Variants in LRBA observed in about 807,000 individuals in gnomAD.
The protein encoded by LRBA is LPS responsive beige-like anchor protein, also known as lipopolysaccharide-responsive and beige-like anchor protein.
In LRBA, 176 loss-of-function variants were observed where a neutral mutation model predicts 330.0. The ratio of observed to expected loss-of-function variants is 0.53; its 90% CI spans 0.47 to 0.60. The LOEUF is 0.60. Ranked by LOEUF, LRBA falls within the 20% of genes least tolerant of loss-of-function variation. The pLI, the probability that LRBA is intolerant of heterozygous loss-of-function variation, is 0.00. For synonymous variants in LRBA, 1,230 were observed against 1,193.0 expected, an observed-to-expected ratio of 1.03 and a Z score of -0.64; for missense variants, 3,259 against 3,444.8, an observed-to-expected ratio of 0.95 and a Z score of 1.35.
chr4:150,335,014 G>C (rs1163854597), intron 48 of LRBA, among the ~76,000 whole-genome samples: 1 of 151,832 alleles, frequency 6.6e-6, no homozygotes, highest in Non-Finnish European at 1.5e-5. Flanking sequence ...ATTTTTAGTA[G>C]AGATGGGGTT....
intron 2 of LRBA, among the ~76,000 whole-genome samples, chr4:150,939,277 A>G (rs1735421681): frequency 6.6e-6 from 1 of 152,190 alleles, no homozygotes; most frequent in African/African-American, 2.4e-5. Flanking sequence ...AGTTAAGATG[A>G]GGTCATTAGG....
intron 34 of LRBA, among the ~76,000 whole-genome samples, chr4:150,795,145 C>G (rs963794544): frequency 6.6e-6 from 1 of 152,038 alleles, no homozygotes; most frequent in Non-Finnish European, 1.5e-5. Flanking sequence ...CAACACAACG[C>G]TTTTATAAAG....
intron 48 of LRBA, among the ~76,000 whole-genome samples, chr4:150,328,942 G>A (rs1733650714): frequency 6.6e-6 from 1 of 152,124 alleles, no homozygotes; most frequent in Non-Finnish European, 1.5e-5. Flanking sequence ...ACTTAACAAT[G>A]TTTTGAGATG....
At position 150,962,065 on chromosome 4, in the gene LRBA, C is replaced by T. The variant is rs116090426; in HGVS notation, c.217-33000G>A. ...ACAAAGTCCACACTCTTAACCTGTA[C>T]GCACTATGGTTTTTCTGTTTTTCAT... On this transcript the variant is annotated intron_variant, in intron 2 of 56. Coordinates refer to ENST00000651943, the MANE Select transcript of LRBA (RefSeq NM_001364905.1). Among the ~76,000 whole-genome samples the T allele has an allele frequency of 4.8e-3, 710 of 149,460 alleles. 109 individuals carry two copies. Among genetic ancestry groups the T allele is most frequent in the African/African-American group, 0.018 (691 of 38,870 alleles).
At chr4:150,396,480 T>TCA (rs10641158) in intron 47 of LRBA, among the ~76,000 whole-genome samples, 51,492 of 145,640 alleles carry the variant, frequency 0.35, 9,145 homozygotes, top group South Asian at 0.47. Context: ...AAATCTCATC[T>TCA]CACACACACA....
intron 5 of LRBA, 145 bp from the exon 6 acceptor site, chr4:150,916,883 G>C (rs931682903): frequency 1.7e-6 from 1 of 601,310 alleles, no homozygotes; most frequent in South Asian, 3.4e-5. Flanking sequence ...GCCGGGCGCG[G>C]TGGCTCACGC....
intron 40 of LRBA, among the ~76,000 whole-genome samples, chr4:150,532,720 A>C (rs1487896639): frequency 6.6e-6 from 1 of 152,166 alleles, no homozygotes; most frequent in Admixed American, 6.5e-5. Flanking sequence ...GGGCATATAC[A>C]TAAAATAGAC....
At chr4:150,916,119 T>C (rs1187976664) in intron 7 of LRBA, among the ~76,000 whole-genome samples, 1 of 152,202 alleles carries the variant, frequency 6.6e-6, no homozygotes, top group Non-Finnish European at 1.5e-5. Context: ...CTCTAAATTT[T>C]AAGGTACAAA....
chr4:150,548,691 G>A (rs1403269808), intron 40 of LRBA, among the ~76,000 whole-genome samples: 1 of 152,102 alleles, frequency 6.6e-6, no homozygotes, highest in Non-Finnish European at 1.5e-5. Context: ...TATCCCCTCT[G>A]TTTTGGAACC....
intron 50 of LRBA, among the ~76,000 whole-genome samples, chr4:150,316,539 C>T (rs1731741383): frequency 6.6e-6 from 1 of 152,126 alleles, no homozygotes; most frequent in Non-Finnish European, 1.5e-5. Flanking sequence ...CAGTTAAATT[C>T]TGGGCCCTTT....
chr4:150,652,679 G>C (rs746528127), intron 37 of LRBA, among the ~76,000 whole-genome samples: 4 of 152,068 alleles, frequency 2.6e-5, no homozygotes, highest in Admixed American at 1.3e-4. Flanking sequence ...AAAATATTTA[G>C]ATTCTTTCAT....
At chr4:150,960,002 C>A (rs1276258075) in intron 2 of LRBA, among the ~76,000 whole-genome samples, 2 of 147,446 alleles carry the variant, frequency 1.4e-5, no homozygotes, top group African/African-American at 5.3e-5. Flanking sequence ...ATCCTCCTGC[C>A]CCAGCCTCCC....
At chr4:150,762,307 T>C (rs1314191370) in intron 34 of LRBA, among the ~76,000 whole-genome samples, 1 of 151,832 alleles carries the variant, frequency 6.6e-6, no homozygotes, top group African/African-American at 2.4e-5. Context: ...GAAAATGAAA[T>C]TAGAAAAATC....
Position 150,916,541 on chromosome 4 carries a change from T to C in LRBA, c.768-14A>G. The C allele has an allele frequency of 6.2e-7, 1 of 1,610,316 alleles. No individual in the cohort carries two copies. Among genetic ancestry groups the C allele is most frequent in the Non-Finnish European group, 8.5e-7 (1 of 1,179,140 alleles). ...CTGGTTCTGAAACTATAAAGAATAG[T>C]TTTCATTTTACCTCTAAATATTCTT... On this transcript the variant is annotated splice_polypyrimidine_tract_variant and intron_variant, in intron 6 of 56. Transcript: ENST00000651943.
chr4:150,302,640 C>CA lies in LRBA; in HGVS notation c.8001dup (p.Gly2668TrpfsTer3). On this transcript the variant is annotated frameshift_variant, in exon 53 of 57. Coordinates refer to ENST00000651943, the MANE Select transcript of LRBA (RefSeq NM_001364905.1). LOFTEE classifies it high-confidence loss of function. The stretch of plus-strand genomic sequence containing the variant: ...TCATACTTACTGCCTGGGTTATCTC[C>CA]AATCCCACTGCATTTTCCATTCCAA... 1.9e-6 allele frequency: 3 copies of CA among 1,608,908 alleles called. No homozygotes were observed. The highest frequency in any genetic ancestry group is 2.5e-6 in the Non-Finnish European group (3 of 1,177,226).
intron 48 of LRBA, among the ~76,000 whole-genome samples, chr4:150,335,038 C>T (rs1049006132): frequency 2.6e-5 from 4 of 151,856 alleles, no homozygotes; most frequent in Admixed American, 2.0e-4. Flanking sequence ...CCATGTTGTC[C>T]AGGCTGGTCT....
chr4:150,903,958 G>A (rs1266260529), intron 13 of LRBA, among the ~76,000 whole-genome samples: 1 of 152,140 alleles, frequency 6.6e-6, no homozygotes, highest in Admixed American at 6.5e-5. Flanking sequence ...CCATAAAGTA[G>A]TCACTCAACA....
intron 37 of LRBA, among the ~76,000 whole-genome samples, chr4:150,678,977 A>G (rs1782816400): frequency 6.6e-6 from 1 of 152,164 alleles, no homozygotes; most frequent in Non-Finnish European, 1.5e-5. Context: ...CTACAAATTC[A>G]TTGATATTAC....
chr4:150,585,787 G>A (rs1772038765), intron 40 of LRBA, among the ~76,000 whole-genome samples: 1 of 152,054 alleles, frequency 6.6e-6, no homozygotes, highest in Non-Finnish European at 1.5e-5. Flanking sequence ...GTTTTTAAAG[G>A]CAATTTTAAA....
Sources: gnomAD v4.1 joint callset for allele counts (sites outside exome capture counted in the v4.1 genomes callset) on GRCh38, gnomAD v4.1.1 for gene constraint, MANE v1.5 for transcripts, NCBI Gene and HGNC (gene_info 2026-07-23, HGNC 2026-07-21) for gene names.